EML5: variants seen among roughly 807,000 people sequenced by gnomAD.
EML5 encodes echinoderm microtubule-associated protein-like 5.
Under a neutral mutation model 250.0 loss-of-function variants are expected in EML5, and 120 were observed. The ratio of observed to expected loss-of-function variants is 0.48; its 90% confidence interval spans 0.41 to 0.56. The LOEUF (loss-of-function observed/expected upper bound fraction) is 0.56, where lower values mean the gene tolerates loss of function less well. Among genes scored for constraint, EML5 ranks in the 20% least tolerant of loss-of-function variants. The probability of loss-of-function intolerance (pLI) is 0.00; values close to 1 mark genes in which losing one functional copy is unlikely to be tolerated. For missense variants in EML5, 2,006 were observed against 2,437.6 expected (o/e 0.82, Z 3.73); for synonymous variants, 771 against 806.5 (o/e 0.96, Z 0.75).
chr14:88,712,526 T>C (rs1349191452), intron 9 of EML5, 43 bp from the exon 10 acceptor site: 7 of 1,522,170 alleles, frequency 4.6e-6, no homozygotes, highest in Non-Finnish European at 5.4e-6. Context: ...TTATTTCATT[T>C]GATTTTCTCA....
At chr14:88,627,266 T>C (rs2090056926) in intron 34 of EML5, 2 of 569,210 alleles carry the variant, frequency 3.5e-6, no homozygotes, top group African/African-American at 3.7e-5. Flanking sequence ...ATAACGTAAA[T>C]GTTTTGTCTA....
intron 7 of EML5, among the ~76,000 whole-genome samples, chr14:88,728,321 T>C (rs1330694883): frequency 6.6e-6 from 1 of 151,930 alleles, no homozygotes; most frequent in Non-Finnish European, 1.5e-5. Context: ...CCTTGAATAA[T>C]GCACCAGTTA....
chr14:88,698,143 A>C (rs2141370967), intron 14 of EML5, among the ~76,000 whole-genome samples: 1 of 151,912 alleles, frequency 6.6e-6, no homozygotes, highest in Admixed American at 6.6e-5. Flanking sequence ...AATTTTTAAC[A>C]TTTTTTGTGG....
chr14:88,638,798 C>A lies in EML5; in HGVS notation c.4336+11G>T, dbSNP rs774403623. Reference sequence around the variant, plus strand: ...CTTTAAATTGTTTCTTTTTAAAATACAGAAACATACCTACTTGGCCAGTTG... The same window carrying A: ...CTTTAAATTGTTTCTTTTTAAAATAAAGAAACATACCTACTTGGCCAGTTG... On this transcript the variant is annotated intron_variant, in intron 32 of 43. Transcript: ENST00000554922. The A allele has an allele frequency of 6.4e-7, 1 of 1,550,820 alleles. No homozygotes were observed. Among genetic ancestry groups the A allele is most frequent in the South Asian group, 1.2e-5 (1 of 81,956 alleles).
At chr14:88,664,769 A>G in intron 22 of EML5, 145 bp from the exon 23 acceptor site, 1 of 807,958 alleles carries the variant, frequency 1.2e-6, no homozygotes, top group Non-Finnish European at 1.9e-6. Flanking sequence ...TTAAATAACA[A>G]ATGATAACAT....
At chr14:88,767,621 C>T (rs1037169462) in intron 1 of EML5, among the ~76,000 whole-genome samples, 2 of 151,934 alleles carry the variant, frequency 1.3e-5, no homozygotes, top group African/African-American at 4.8e-5. Flanking sequence ...TATTTTTTTG[C>T]ATATGTGTGT....
At chr14:88,673,324 T>C (rs2141070737) in intron 21 of EML5, among the ~76,000 whole-genome samples, 1 of 152,342 alleles carries the variant, frequency 6.6e-6, no homozygotes, top group African/African-American at 2.4e-5. Flanking sequence ...AGGCCTTTGA[T>C]AAAATTCAAC....
chr14:88,668,851 C>A (rs528266399), intron 21 of EML5, among the ~76,000 whole-genome samples: 103 of 151,838 alleles, frequency 6.8e-4, no homozygotes, highest in African/African-American at 2.4e-3. Context: ...AGCAGAAACC[C>A]AGAGCAAAAA....
chr14:88,736,844 G>A (rs895242501), intron 6 of EML5, among the ~76,000 whole-genome samples: 2 of 151,858 alleles, frequency 1.3e-5, no homozygotes, highest in Non-Finnish European at 2.9e-5. Context: ...ATAGTGTTGT[G>A]CCCATCTTTG....
chr14:88,707,205 T>C (rs540401679), intron 10 of EML5, among the ~76,000 whole-genome samples: 12 of 152,272 alleles, frequency 7.9e-5, no homozygotes, highest in African/African-American at 2.9e-4. Context: ...ATTTCTCCAA[T>C]AATAAAGGAA....
intron 14 of EML5, among the ~76,000 whole-genome samples, chr14:88,698,265 C>CTT (rs60164768): frequency 0.18 from 21,125 of 119,822 alleles, 2,832 homozygotes; most frequent in African/African-American, 0.33. Flanking sequence ...CTCCAGTTTC[C>CTT]TTTTTTTTTT....
At chr14:88,627,604 ATTC>A in intron 34 of EML5, 39 bp downstream of exon 34, 1 of 1,548,546 alleles carries the variant, frequency 6.5e-7, no homozygotes. Context: ...CTACCTTTGT[ATTC>A]TTGTTTTTTT....
intron 1 of EML5, among the ~76,000 whole-genome samples, chr14:88,791,618 T>C (rs1003709108): frequency 6.6e-6 from 1 of 152,124 alleles, no homozygotes; most frequent in Non-Finnish European, 1.5e-5. Context: ...TTTAAGAAAA[T>C]ACAAAAGTAG....
rs767922410 is a variant in EML5, at chr14:88,616,807, T to C, written c.5715A>G (p.Val1905=). ...AEKADVNCAC[V]SHSGISLVTG... is the part of the protein sequence containing the mutation. ...TAACAAGACTGATTCCTGAATGAGA[T>C]ACACAGGCACAGTTGACATCAGCTT... is the stretch of plus-strand genomic sequence containing the variant. The change falls in exon 42 of 44, where the codon GTA becomes GTG. Residue 1905 remains valine (V), a synonymous_variant. Transcript: ENST00000554922. 2 of 1,613,916 alleles carry C rather than the reference T, an allele frequency of 1.2e-6. No individual in the cohort carries two copies. The highest frequency in any genetic ancestry group is 2.2e-5 in the South Asian group (2 of 91,072).
At chr14:88,765,176 G>C (rs2094304598) in intron 1 of EML5, among the ~76,000 whole-genome samples, 1 of 152,202 alleles carries the variant, frequency 6.6e-6, no homozygotes, top group Non-Finnish European at 1.5e-5. Context: ...TTATCTCCCA[G>C]TTCTGCAGGG....
chr14:88,743,138 A>G (rs760206699), intron 4 of EML5, among the ~76,000 whole-genome samples: 3 of 152,096 alleles, frequency 2.0e-5, no homozygotes, highest in Non-Finnish European at 2.9e-5. Flanking sequence ...TGAGAGAGGG[A>G]CAAGGAGAGA....
chr14:88,707,406 G>A (rs1038059821), intron 10 of EML5, among the ~76,000 whole-genome samples: 1 of 151,884 alleles, frequency 6.6e-6, no homozygotes, highest in Non-Finnish European at 1.5e-5. Flanking sequence ...AGGATTACAG[G>A]CATGAGCCAC....
chr14:88,698,524 G>A (rs952046313), intron 14 of EML5, among the ~76,000 whole-genome samples: 25 of 151,942 alleles, frequency 1.6e-4, no homozygotes, highest in African/African-American at 5.3e-4. Context: ...CTCAGTTTTC[G>A]AAAGTGCTAG....
chr14:88,788,059 T>C (rs1000355639), intron 1 of EML5, among the ~76,000 whole-genome samples: 1 of 152,182 alleles, frequency 6.6e-6, no homozygotes, highest in African/African-American at 2.4e-5. Flanking sequence ...TCAAACTATT[T>C]TGAAGATAAG....
Sources: gnomAD v4.1 joint callset for allele counts (sites outside exome capture counted in the v4.1 genomes callset) on GRCh38, gnomAD v4.1.1 for gene constraint, MANE v1.5 for transcripts, NCBI Gene and HGNC (gene_info 2026-07-23, HGNC 2026-07-21) for gene names.